The following GPR176 variants were observed in gnomAD, a reference collection of about 807,000 sequenced individuals.
GPR176 encodes the protein G protein-coupled receptor 176, also known as G-protein coupled receptor 176.
Under a neutral mutation model 35.4 loss-of-function variants are expected in GPR176, and 26 were observed. The observed-to-expected ratio is 0.74, with a 90% CI of 0.54 to 1.02. GPR176 has a LOEUF of 1.02. Ranked by LOEUF, GPR176 falls within the 50% of genes least tolerant of loss-of-function variation. The pLI is 0.00. For synonymous variants in GPR176, 278 were observed against 271.3 expected, an observed-to-expected ratio of 1.02 and a Z score of -0.24; for missense variants, 597 against 665.3, an observed-to-expected ratio of 0.90 and a Z score of 1.13.
intron 1 of GPR176, among the ~76,000 whole-genome samples, chr15:39,820,883 C>T (rs953498287): frequency 4.6e-5 from 7 of 152,178 alleles, no homozygotes; most frequent in African/African-American, 1.7e-4. Context: ...ATTTCTCTCC[C>T]CATGCTAAGC....
At chr15:39,811,886 A>C (rs1437190886) in intron 1 of GPR176, among the ~76,000 whole-genome samples, 1 of 151,752 alleles carries the variant, frequency 6.6e-6, no homozygotes, top group Non-Finnish European at 1.5e-5. Context: ...ATTGCACTCC[A>C]GCCTGGGTGA....
chr15:39,888,287 TTTTG>T (rs910304317), intron 1 of GPR176, among the ~76,000 whole-genome samples: 9 of 152,146 alleles, frequency 5.9e-5, no homozygotes, highest in South Asian at 2.1e-4. Flanking sequence ...TATTTGTTTT[TTTTG>T]TTTGTTTGTT....
At chr15:39,898,247 T>C (rs1334990935) in intron 1 of GPR176, among the ~76,000 whole-genome samples, 4 of 152,192 alleles carry the variant, frequency 2.6e-5, no homozygotes, top group Non-Finnish European at 5.9e-5. Context: ...TTCCCCTTTT[T>C]TTTTCAAACA....
intron 1 of GPR176, among the ~76,000 whole-genome samples, chr15:39,838,075 G>A (rs1901518830): frequency 6.6e-6 from 1 of 150,986 alleles, no homozygotes; most frequent in Non-Finnish European, 1.5e-5. Flanking sequence ...AGTGACTAAT[G>A]ACTTATAACA....
At chr15:39,886,361 C>T (rs901262225) in intron 1 of GPR176, among the ~76,000 whole-genome samples, 4 of 152,100 alleles carry the variant, frequency 2.6e-5, no homozygotes, top group African/African-American at 9.7e-5. Flanking sequence ...GAAAGAACAC[C>T]CACCTAGAAG....
chr15:39,808,981 T>C (rs1470009731), intron 1 of GPR176, among the ~76,000 whole-genome samples: 1 of 152,168 alleles, frequency 6.6e-6, no homozygotes, highest in Non-Finnish European at 1.5e-5. Context: ...TTAAACCACT[T>C]TTAGACAGAG....
At chr15:39,913,059 T>C (rs2033621517) in intron 1 of GPR176, among the ~76,000 whole-genome samples, 1 of 152,106 alleles carries the variant, frequency 6.6e-6, no homozygotes, top group Non-Finnish European at 1.5e-5. Context: ...ACAACCCAAA[T>C]GTCTATCAAA....
intron 1 of GPR176, among the ~76,000 whole-genome samples, chr15:39,866,885 G>C (rs1324606873): frequency 6.6e-6 from 1 of 152,092 alleles, no homozygotes; most frequent in Non-Finnish European, 1.5e-5. Context: ...AGCATACAAA[G>C]GGGGAGCAAG....
intron 1 of GPR176, among the ~76,000 whole-genome samples, chr15:39,836,466 A>AC: frequency 6.6e-6 from 1 of 151,906 alleles, no homozygotes; most frequent in Non-Finnish European, 1.5e-5. Context: ...GCTTCCTGCC[A>AC]CCCTCCCCAG....
At chr15:39,811,870 T>C (rs917470860) in intron 1 of GPR176, among the ~76,000 whole-genome samples, 6 of 150,990 alleles carry the variant, frequency 4.0e-5, no homozygotes, top group African/African-American at 9.8e-5. Context: ...GAGCCGAGAT[T>C]GCGCCATTGC....
intron 1 of GPR176, among the ~76,000 whole-genome samples, chr15:39,869,154 A>T (rs1340012319): frequency 0.093 from 268 of 2,894 alleles, 1 homozygote; most frequent in South Asian, 0.43. Context: ...CTGCTTTTTA[A>T]AAAAAAAAAA....
At chr15:39,857,197 G>T (rs894772162) in intron 1 of GPR176, among the ~76,000 whole-genome samples, 4 of 152,216 alleles carry the variant, frequency 2.6e-5, no homozygotes, top group Non-Finnish European at 4.4e-5. Context: ...AAATCTTGAT[G>T]AATGTCAAAG....
intron 1 of GPR176, among the ~76,000 whole-genome samples, chr15:39,848,621 A>G (rs750111521): frequency 6.6e-6 from 1 of 152,200 alleles, no homozygotes; most frequent in Non-Finnish European, 1.5e-5. Context: ...GTGTTCTCCA[A>G]CCACAATGGA....
At chr15:39,868,843 C>T (rs2031932277) in intron 1 of GPR176, among the ~76,000 whole-genome samples, 1 of 152,050 alleles carries the variant, frequency 6.6e-6, no homozygotes, top group Admixed American at 6.5e-5. Flanking sequence ...CAGTGTCTGT[C>T]CTCTGCAGAT....
intron 1 of GPR176, among the ~76,000 whole-genome samples, chr15:39,838,946 C>T (rs927621945): frequency 3.9e-5 from 6 of 152,116 alleles, no homozygotes; most frequent in African/African-American, 1.4e-4. Flanking sequence ...AACATCTCAG[C>T]CCAAAATCTC....
chr15:39,890,669 C>T (rs991174289), intron 1 of GPR176, among the ~76,000 whole-genome samples: 2 of 152,310 alleles, frequency 1.3e-5, no homozygotes, highest in African/African-American at 4.8e-5. Context: ...ACAAATACCA[C>T]ACACACACAA....
At chr15:39,836,915 T>C (rs539642475) in intron 1 of GPR176, among the ~76,000 whole-genome samples, 1 of 152,246 alleles carries the variant, frequency 6.6e-6, no homozygotes, top group South Asian at 2.1e-4. Flanking sequence ...TTCAACTACA[T>C]CAATGTGTTC....
intron 1 of GPR176, among the ~76,000 whole-genome samples, chr15:39,876,884 CAGAG>C (rs1262327013): frequency 1.3e-5 from 2 of 149,920 alleles, no homozygotes; most frequent in South Asian, 2.1e-4. Context: ...GAGACAGAGA[CAGAG>C]AGAGAGAGAG....
intron 1 of GPR176, among the ~76,000 whole-genome samples, chr15:39,893,098 T>C (rs1378458506): frequency 6.6e-6 from 1 of 152,024 alleles, no homozygotes; most frequent in Non-Finnish European, 1.5e-5. Flanking sequence ...TAACTCTCTT[T>C]TTTTTTTAAA....
Sources: gnomAD v4.1 joint callset for allele counts (sites outside exome capture counted in the v4.1 genomes callset) on GRCh38, gnomAD v4.1.1 for gene constraint, MANE v1.5 for transcripts, NCBI Gene and HGNC (gene_info 2026-07-23, HGNC 2026-07-21) for gene names.